Variants in NEDD4L observed in about 807,000 individuals in gnomAD.
NEDD4L encodes the protein E3 ubiquitin-protein ligase NEDD4-like.
Under a neutral mutation model 148.9 loss-of-function variants are expected in NEDD4L, and 54 were observed. The ratio of observed to expected loss-of-function variants is 0.36; its 90% CI spans 0.29 to 0.45. NEDD4L has a LOEUF of 0.45. NEDD4L is among the 20% of genes least tolerant of loss of function. The pLI, the probability that NEDD4L is intolerant of heterozygous loss-of-function variation, is 1.00. For missense variants in NEDD4L, 856 were observed against 1,233.8 expected (o/e 0.69, Z 4.59); for synonymous variants, 433 against 440.7 (o/e 0.98, Z 0.22).
At chr18:58,372,805 CAA>C in intron 23 of NEDD4L, 1 of 136,894 alleles carries the variant, frequency 7.3e-6, no homozygotes, top group South Asian at 1.7e-4. Context: ...GCCTGGGTGA[CAA>C]GAGCGAAACT....
At chr18:58,269,953 A>G (rs1020134524) in intron 5 of NEDD4L, among the ~76,000 whole-genome samples, 30 of 152,244 alleles carry the variant, frequency 2.0e-4, no homozygotes, top group African/African-American at 6.8e-4. Context: ...TGCAAAGCAT[A>G]TATAAAAGAG....
chr18:58,129,425 T>C (rs371396422), intron 1 of NEDD4L, among the ~76,000 whole-genome samples: 16 of 152,344 alleles, frequency 1.1e-4, no homozygotes, highest in Admixed American at 6.5e-4. Context: ...TGAATTCTTA[T>C]GGTCTGTCAT....
intron 5 of NEDD4L, among the ~76,000 whole-genome samples, chr18:58,310,576 A>G (rs2057569241): frequency 6.6e-6 from 1 of 152,258 alleles, no homozygotes; most frequent in Admixed American, 6.5e-5. Context: ...GGCACCACCC[A>G]GGTGCAGAAA....
chr18:58,365,777 T>C (rs1296307083), intron 20 of NEDD4L, among the ~76,000 whole-genome samples: 2 of 152,160 alleles, frequency 1.3e-5, no homozygotes, highest in East Asian at 1.9e-4. Flanking sequence ...GTTCTAACTT[T>C]CCTGAGCATC....
At chr18:58,189,366 G>T (rs1206889485) in intron 2 of NEDD4L, among the ~76,000 whole-genome samples, 1 of 152,152 alleles carries the variant, frequency 6.6e-6, no homozygotes, top group African/African-American at 2.4e-5. Flanking sequence ...CCCAGGAGTT[G>T]AAATAATACA....
At chr18:58,251,814 A>G (rs1254205337) in intron 4 of NEDD4L, among the ~76,000 whole-genome samples, 187 bp from the exon 5 acceptor site, 1 of 152,210 alleles carries the variant, frequency 6.6e-6, no homozygotes, top group Non-Finnish European at 1.5e-5. Flanking sequence ...GGGGCAGAAT[A>G]ATATAGAAAT....
intron 5 of NEDD4L, among the ~76,000 whole-genome samples, chr18:58,274,164 G>C (rs970557959): frequency 6.6e-6 from 1 of 152,188 alleles, no homozygotes. Flanking sequence ...AGGCAGGTGA[G>C]TGAAGCCATC....
intron 26 of NEDD4L, 147 bp from the exon 27 acceptor site, chr18:58,387,292 T>C: frequency 1.1e-6 from 1 of 900,158 alleles, no homozygotes; most frequent in Non-Finnish European, 1.6e-6. Flanking sequence ...TTACTGGAAC[T>C]ATAGTTACTT....
Position 58,366,447 on chromosome 18 carries a change from G to A in NEDD4L, c.2063+219G>A. Reference sequence around the variant, plus strand: ...ACATCTAACATTGATTTTTTTTCTTGTCTATTGGGTTCATGGAGTTGAAAT... The same window carrying A: ...ACATCTAACATTGATTTTTTTTCTTATCTATTGGGTTCATGGAGTTGAAAT... On this transcript the variant is annotated intron_variant, in intron 21 of 30. Coordinates refer to ENST00000400345, the MANE Select transcript of NEDD4L (RefSeq NM_001144967.3). The surrounding 1 kb of genome is among the most constrained non-coding windows in gnomAD (Gnocchi z 4.2). The A allele has an allele frequency of 7.6e-6, 3 of 395,174 alleles. No individual in the cohort carries two copies. The highest frequency in any genetic ancestry group is 1.3e-5 in the Non-Finnish European group (3 of 223,292). 24.5% of individuals were successfully genotyped at this position (395,174 alleles called of 1,614,324 possible).
chr18:58,192,697 C>CTG (rs1454010052), intron 2 of NEDD4L, among the ~76,000 whole-genome samples: 8 of 129,508 alleles, frequency 6.2e-5, no homozygotes, highest in African/African-American at 2.9e-4. Context: ...CCACAGGTAC[C>CTG]TGTCTCTTTG....
intron 5 of NEDD4L, among the ~76,000 whole-genome samples, chr18:58,299,305 G>T (rs1005026394): frequency 1.3e-5 from 2 of 152,212 alleles, no homozygotes; most frequent in African/African-American, 4.8e-5. Context: ...CCTTAGCAGG[G>T]TGAAGGGAGA....
rs1036409170 is a variant in NEDD4L at position 58,373,051 on chromosome 18, G to A, written c.2257-123G>A. The A allele has an allele frequency of 7.8e-6, 5 of 643,976 alleles. No individual in the cohort carries two copies. The East Asian group carries it at 1.1e-4, about 15-fold the overall frequency. 39.9% of individuals were successfully genotyped at this position (643,976 alleles called of 1,614,324 possible). A position where few individuals can be genotyped will look rare whatever the true frequency, so the allele number is the denominator to read the frequency against. On this transcript the variant is annotated intron_variant, in intron 23 of 30. Coordinates refer to ENST00000400345, the MANE Select transcript of NEDD4L (RefSeq NM_001144967.3). Reference sequence around the variant, plus strand: ...TGGTTTAGGTGGAGCAGGAAACATTGCATTAGTAACATATTTCTTGAGCAT... The same window carrying A: ...TGGTTTAGGTGGAGCAGGAAACATTACATTAGTAACATATTTCTTGAGCAT...
intron 5 of NEDD4L, among the ~76,000 whole-genome samples, chr18:58,294,678 T>C (rs1228735041): frequency 1.4e-5 from 2 of 147,818 alleles, no homozygotes; most frequent in Admixed American, 6.6e-5. Context: ...TTTCTGTTTT[T>C]GTCTTTTTTT....
At chr18:58,275,719 A>C (rs2051814436) in intron 5 of NEDD4L, among the ~76,000 whole-genome samples, 1 of 152,132 alleles carries the variant, frequency 6.6e-6, no homozygotes, top group Non-Finnish European at 1.5e-5. Flanking sequence ...TGGCACCCTT[A>C]GCACCCCTCA....
chr18:58,061,235 G>A (rs936105098), intron 1 of NEDD4L, among the ~76,000 whole-genome samples: 11 of 152,172 alleles, frequency 7.2e-5, no homozygotes, highest in Admixed American at 2.0e-4. Flanking sequence ...TCAGTTTTAC[G>A]TGGTTATCTA....
Position 58,106,806 on chromosome 18 carries a change from C to T in NEDD4L, c.49-58982C>T, listed in dbSNP as rs530240541. ...ATTTTGCATGAGAGACTCAACCACT[C>T]GCCCAAAGTCACAGTGCTAGAAAGG... On this transcript the variant is annotated intron_variant, in intron 1 of 30. Transcript: ENST00000400345. Among the ~76,000 whole-genome samples the T allele has an allele frequency of 3.9e-4, 59 of 152,268 alleles. No individual in the cohort carries two copies. In the South Asian group the frequency reaches 0.012, roughly 31 times the overall value.
chr18:58,310,503 G>T (rs933373883), intron 5 of NEDD4L, among the ~76,000 whole-genome samples: 2 of 152,168 alleles, frequency 1.3e-5, no homozygotes, highest in African/African-American at 2.4e-5. Flanking sequence ...GTGCCACTTG[G>T]CTCTTATTTG....
intron 1 of NEDD4L, among the ~76,000 whole-genome samples, chr18:58,148,776 G>A (rs1264959208): frequency 2.0e-5 from 3 of 152,240 alleles, no homozygotes; most frequent in Non-Finnish European, 4.4e-5. Context: ...GTTTTGGAGG[G>A]AGACACACTT....
intron 1 of NEDD4L, among the ~76,000 whole-genome samples, chr18:58,104,421 G>A (rs12967469): frequency 0.43 from 65,532 of 152,052 alleles, 16,827 homozygotes; most frequent in East Asian, 0.66. Context: ...CCACGCGGAC[G>A]TGGTGGTTGT....
Sources: gnomAD v4.1 joint callset for allele counts (sites outside exome capture counted in the v4.1 genomes callset) on GRCh38, gnomAD v4.1.1 for gene constraint, Gnocchi (gnomAD v3.1) non-coding constraint, MANE v1.5 for transcripts, NCBI Gene and HGNC (gene_info 2026-07-23, HGNC 2026-07-21) for gene names.